The following WIPI1 variants were observed in gnomAD, a reference collection of about 807,000 sequenced individuals.
The protein encoded by WIPI1 is WD repeat domain phosphoinositide-interacting protein 1.
In WIPI1, 45 loss-of-function variants were observed where a neutral mutation model predicts 55.3. The ratio of observed to expected loss-of-function variants is 0.81; its 90% confidence interval spans 0.64 to 1.04. The LOEUF (loss-of-function observed/expected upper bound fraction) is 1.04, where lower values mean the gene tolerates loss of function less well. Ranked by LOEUF, WIPI1 falls within the 50% of genes least tolerant of loss-of-function variation. The pLI, the probability that WIPI1 is intolerant of heterozygous loss-of-function variation, is 0.00. For missense variants in WIPI1, 445 were observed against 559.0 expected (o/e 0.80, Z 2.06); for synonymous variants, 195 against 217.6 (o/e 0.90, Z 0.92).
intron 7 of WIPI1, among the ~76,000 whole-genome samples, chr17:68,434,315 G>A (rs946833749): frequency 7.2e-5 from 11 of 152,118 alleles, no homozygotes; most frequent in South Asian, 2.1e-4. Flanking sequence ...TGTGCCGGCC[G>A]CCCACACACA....
intron 6 of WIPI1, among the ~76,000 whole-genome samples, chr17:68,435,156 G>A (rs564613651): frequency 3.3e-5 from 5 of 150,400 alleles, no homozygotes; most frequent in Admixed American, 6.6e-5. Flanking sequence ...GCAGTGAGCC[G>A]AGATTGCGCC....
chr17:68,450,807 A>T lies in WIPI1; in HGVS notation c.254T>A (p.Val85Glu). Residue 85 changes from valine (V) to glutamate (E), a missense_variant, in exon 3 of 13, where the codon GTG becomes GAG. Physicochemically the swap from Val to Glu is moderately radical, Grantham distance 121. Coordinates refer to ENST00000262139, the MANE Select transcript of WIPI1 (RefSeq NM_017983.7). Reference protein sequence around the residue: ...VSHTKPRQMNVYHFKKGTEIC... With the variant: ...VSHTKPRQMNEYHFKKGTEIC... Reference sequence around the variant, plus strand: ...CTCTGTGCCTTTCTTGAAGTGATACACGTTCATCTGCCGTGGTTTTGTGTG... The same window carrying T: ...CTCTGTGCCTTTCTTGAAGTGATACTCGTTCATCTGCCGTGGTTTTGTGTG... 1 of 1,614,112 alleles carries T rather than the reference A, an allele frequency of 6.2e-7. No individual in the cohort carries two copies. The highest frequency in any genetic ancestry group is 8.5e-7 in the Non-Finnish European group (1 of 1,180,004).
intron 8 of WIPI1, among the ~76,000 whole-genome samples, chr17:68,433,028 G>C (rs1025170815): frequency 1.2e-4 from 18 of 152,156 alleles, no homozygotes; most frequent in Non-Finnish European, 1.5e-5. Flanking sequence ...CTTCCCAAGC[G>C]CTCAGTGGTG....
intron 8 of WIPI1, among the ~76,000 whole-genome samples, chr17:68,433,041 G>A (rs1380924874): frequency 6.6e-6 from 1 of 152,206 alleles, no homozygotes; most frequent in Non-Finnish European, 1.5e-5. Flanking sequence ...CAGTGGTGCT[G>A]CTGGCAACAA....
At chr17:68,434,345 C>T (rs570529715) in intron 7 of WIPI1, among the ~76,000 whole-genome samples, 6 of 152,312 alleles carry the variant, frequency 3.9e-5, no homozygotes, top group South Asian at 4.1e-4. Flanking sequence ...GGGACTCTCA[C>T]GGCTGAACTG....
intron 4 of WIPI1, among the ~76,000 whole-genome samples, chr17:68,441,336 C>T (rs1004181108): frequency 3.9e-5 from 6 of 152,176 alleles, no homozygotes; most frequent in African/African-American, 1.2e-4. Flanking sequence ...AGGCAACAGG[C>T]GAACTCTGTA....
Position 68,436,370 on chromosome 17 carries a change from C to T in WIPI1, c.528+12G>A. 1.2e-6 allele frequency: 2 copies of T among 1,612,972 alleles called. No homozygotes were observed. Among genetic ancestry groups the T allele is most frequent in the Non-Finnish European group, 1.7e-6 (2 of 1,178,992 alleles). ...CAGGTGGGTTGGCTCAGCCAGGTCA[C>T]CGTCAACTTACCAGGGAGTTTCCAT... On this transcript the variant is annotated intron_variant, in intron 5 of 12. Coordinates refer to ENST00000262139, the MANE Select transcript of WIPI1 (RefSeq NM_017983.7).
At chr17:68,437,003 A>ATATATATATAT (rs1454926862) in intron 4 of WIPI1, among the ~76,000 whole-genome samples, 774 of 60,196 alleles carry the variant, frequency 0.013, 6 homozygotes, top group Non-Finnish European at 0.019. Flanking sequence ...CAAAAAAAAA[A>ATATATATATAT]AAATATATAT....
intron 9 of WIPI1, 46 bp from the exon 10 acceptor site, chr17:68,428,982 C>T (rs772503744): frequency 2.8e-5 from 41 of 1,449,510 alleles, no homozygotes; most frequent in South Asian, 1.3e-4. Context: ...CGAAGATGGG[C>T]GATGGATTCG....
At chr17:68,431,448 T>G (rs1600291436) in intron 8 of WIPI1, among the ~76,000 whole-genome samples, 1 of 151,182 alleles carries the variant, frequency 6.6e-6, no homozygotes, top group South Asian at 2.1e-4. Context: ...GTTCTGGGGG[T>G]GGTGGCTGCT....
intron 1 of WIPI1, among the ~76,000 whole-genome samples, chr17:68,456,788 C>G (rs970286823): frequency 6.6e-6 from 1 of 152,202 alleles, no homozygotes; most frequent in African/African-American, 2.4e-5. Flanking sequence ...GCACGATGCC[C>G]TGCGTCGGGG....
chr17:68,427,184 A>G lies in WIPI1; in HGVS notation c.1143T>C (p.Tyr381=), dbSNP rs767664478. 2.3e-5 allele frequency: 37 copies of G among 1,614,084 alleles called. No individual in the cohort carries two copies. Among genetic ancestry groups the G allele is most frequent in the South Asian group, 2.0e-4 (18 of 91,086 alleles). Residue 381 remains tyrosine, a synonymous_variant, in exon 11 of 13, where the codon TAT becomes TAC. Transcript: ENST00000262139. ...NDLRPSLPQS[Y]AATVARPSAS... is the part of the protein sequence containing the mutation. ...CACTTGGTCTGGCTACGGTCGCTGC[A>G]TAAGACTGAGGTAAGGAAGGTCTGA...
At chr17:68,450,972 GC>G in intron 2 of WIPI1, 75 bp from the exon 3 acceptor site, 2 of 1,528,854 alleles carry the variant, frequency 1.3e-6, no homozygotes, top group Non-Finnish European at 1.8e-6. Flanking sequence ...ATGACACTGG[GC>G]CCGGCGCAGG....
chr17:68,447,205 A>G (rs974574118), intron 3 of WIPI1, among the ~76,000 whole-genome samples: 3 of 152,224 alleles, frequency 2.0e-5, no homozygotes, highest in Non-Finnish European at 4.4e-5. Flanking sequence ...CCATCTGGAT[A>G]GCAAGGGCCC....
intron 1 of WIPI1, among the ~76,000 whole-genome samples, chr17:68,455,361 C>CAA (rs35004898): frequency 0.017 from 1,696 of 102,432 alleles, 30 homozygotes; most frequent in Non-Finnish European, 0.023. Context: ...AAGACTGTCT[C>CAA]AAAAAAAAAA....
intron 2 of WIPI1, among the ~76,000 whole-genome samples, chr17:68,452,659 A>G (rs2084540285): frequency 1.3e-5 from 2 of 152,262 alleles, no homozygotes; most frequent in Admixed American, 6.5e-5. Flanking sequence ...AAAAGTCTCA[A>G]TAATATGATT....
At chr17:68,427,361 AT>A (rs2083266917) in intron 10 of WIPI1, 108 bp from the exon 11 acceptor site, 2 of 834,502 alleles carry the variant, frequency 2.4e-6, no homozygotes, top group Non-Finnish European at 3.8e-6. Flanking sequence ...TCTGTGGGTT[AT>A]TTATTTATTT....
chr17:68,435,710 T>C lies in WIPI1; in HGVS notation c.531A>G (p.Lys177=). ...CATGGGCAGCAATAGTGCAGACTGT[T>C]TTCTGTTGGTGAAAAGGAAAAATGG... ...EIVLYDGNSL[K]TVCTIAAHEG... The change falls in exon 6 of 13, where the codon AAA becomes AAG. Residue 177 remains lysine, a splice_region_variant and synonymous_variant. Transcript: ENST00000262139. 1 of 1,614,136 alleles carries C rather than the reference T, an allele frequency of 6.2e-7. No individual in the cohort carries two copies.
intron 12 of WIPI1, 112 bp from the exon 13 acceptor site, chr17:68,421,932 T>G (rs1160650982): frequency 2.8e-6 from 4 of 1,421,022 alleles, no homozygotes. Context: ...GGCTGGGCAC[T>G]GTGGAATTTT....
Sources: allele counts gnomAD v4.1 joint callset (sites outside exome capture counted in the v4.1 genomes callset), GRCh38; gene constraint gnomAD v4.1.1; transcripts MANE v1.5; gene names NCBI Gene and HGNC (gene_info 2026-07-23, HGNC 2026-07-21).